ERBIN: variants seen among roughly 807,000 people sequenced by gnomAD.
ERBIN encodes erbb2 interacting protein.
ERBIN carries 60 observed loss-of-function variants against 158.4 expected under a neutral mutation model. The ratio of observed to expected loss-of-function variants is 0.38; its 90% CI spans 0.31 to 0.47. ERBIN has a LOEUF of 0.47. Among genes scored for constraint, ERBIN ranks in the 20% least tolerant of loss-of-function variants. The probability of loss-of-function intolerance (pLI) is 0.99; values close to 1 mark genes in which losing one functional copy is unlikely to be tolerated. For synonymous variants in ERBIN, 594 were observed against 557.2 expected (o/e 1.07, Z -0.93); for missense variants, 1,610 against 1,648.0 (o/e 0.98, Z 0.40).
At chr5:66,075,794 T>C (rs1761928585) in intron 23 of ERBIN, among the ~76,000 whole-genome samples, 1 of 152,146 alleles carries the variant, frequency 6.6e-6, no homozygotes, top group Non-Finnish European at 1.5e-5. Flanking sequence ...TTTTTTAGCT[T>C]GGTTATAAAA....
Position 66,076,543 on chromosome 5 carries a change from T to C in ERBIN, c.4056+135T>C, listed in dbSNP as rs1320938825. The C allele has an allele frequency of 9.6e-6, 7 of 725,492 alleles. No individual in the cohort carries two copies. In the East Asian group the frequency reaches 1.9e-4, roughly 20 times the overall value. The allele number at this position is 725,492 out of a possible 1,614,324, so 44.9% of individuals were successfully genotyped here. On this transcript the variant is annotated intron_variant, in intron 24 of 25. Coordinates refer to ENST00000284037, the MANE Select transcript of ERBIN (RefSeq NM_001253697.2). The stretch of plus-strand genomic sequence containing the variant: ...TCACCTGGATTCCCCACTCTATTGC[T>C]TACCTTTTTGTTTTGTAATTTGATC...
intron 7 of ERBIN, among the ~76,000 whole-genome samples, chr5:66,016,699 C>T (rs1324019200): frequency 6.6e-6 from 1 of 151,682 alleles, no homozygotes; most frequent in Non-Finnish European, 1.5e-5. Context: ...CTGCACCCTC[C>T]GCCCCCCAAG....
intron 15 of ERBIN, among the ~76,000 whole-genome samples, chr5:66,041,294 CTA>C (rs1169084226): frequency 6.6e-6 from 1 of 151,960 alleles, no homozygotes; most frequent in Non-Finnish European, 1.5e-5. Flanking sequence ...CTGGGTATGA[CTA>C]TGGTTGTGAA....
chr5:65,985,095 T>G (rs1751075626), intron 1 of ERBIN, among the ~76,000 whole-genome samples: 1 of 151,902 alleles, frequency 6.6e-6, no homozygotes, highest in African/African-American at 2.4e-5. Flanking sequence ...CACATGACAT[T>G]TTTTTGTTGT....
At chr5:66,065,279 T>C (rs1391712512) in intron 21 of ERBIN, among the ~76,000 whole-genome samples, 3 of 152,196 alleles carry the variant, frequency 2.0e-5, no homozygotes, top group Non-Finnish European at 2.9e-5. Flanking sequence ...TACATTGTTT[T>C]AAGTAATGTT....
intron 2 of ERBIN, among the ~76,000 whole-genome samples, chr5:65,990,169 AT>A (rs1256681561): frequency 6.6e-6 from 1 of 152,172 alleles, no homozygotes. Flanking sequence ...TGTAGTGAAG[AT>A]TTACTGATAT....
chr5:66,012,487 C>T (rs902548011), intron 5 of ERBIN, among the ~76,000 whole-genome samples: 9 of 151,340 alleles, frequency 5.9e-5, no homozygotes, highest in Non-Finnish European at 8.8e-5. Flanking sequence ...ACAATGAAAC[C>T]AAAAGTTTCT....
chr5:65,947,260 GC>G (rs994329865), intron 1 of ERBIN, among the ~76,000 whole-genome samples: 2 of 151,986 alleles, frequency 1.3e-5, no homozygotes, highest in African/African-American at 4.8e-5. Flanking sequence ...TTGAGATGGA[GC>G]CTCTGTCATC....
chr5:66,074,538 A>C (rs1210148799), intron 22 of ERBIN, among the ~76,000 whole-genome samples: 1 of 152,210 alleles, frequency 6.6e-6, no homozygotes, highest in Non-Finnish European at 1.5e-5. Context: ...TAAATTTGGA[A>C]AGAATTTTAC....
chr5:66,004,039 G>A (rs1753290532), intron 4 of ERBIN, among the ~76,000 whole-genome samples: 1 of 150,308 alleles, frequency 6.7e-6, no homozygotes, highest in Non-Finnish European at 1.5e-5. Context: ...TTGGACTCAA[G>A]GGAGGCTTCC....
At chr5:65,931,765 G>A (rs1743418038) in intron 1 of ERBIN, among the ~76,000 whole-genome samples, 1 of 151,114 alleles carries the variant, frequency 6.6e-6, no homozygotes, top group Non-Finnish European at 1.5e-5. Context: ...AGAAAATCCA[G>A]CCTTATACAG....
At position 66,075,096 on chromosome 5, in the gene ERBIN, C is replaced by A. The variant is rs757254515; in HGVS notation, c.3829C>A (p.Pro1277Thr). The A allele has an allele frequency of 1.2e-6, 2 of 1,614,056 alleles. No individual in the cohort carries two copies. The highest frequency in any genetic ancestry group is 8.5e-7 in the Non-Finnish European group (1 of 1,180,036). ...QANYSQIHHP[P>T]QASVARHPSR... ...AAATTATAGTCAAATACATCACCCC[C>A]CTCAGGCATCTGTGGCAAGGCATCC... Residue 1277 changes from proline to threonine, a missense_variant, in exon 23 of 26, where the codon CCT becomes ACT. Coordinates refer to ENST00000284037, the MANE Select transcript of ERBIN (RefSeq NM_001253697.2).
Position 66,046,425 on chromosome 5 carries a change from CAGA to C in ERBIN, c.1679_1681del (p.Lys560del). The C allele has an allele frequency of 6.2e-7, 1 of 1,611,804 alleles. No individual in the cohort carries two copies. The highest frequency in any genetic ancestry group is 8.5e-7 in the Non-Finnish European group (1 of 1,178,462). On this transcript the variant is annotated inframe_deletion, in exon 18 of 26. Coordinates refer to ENST00000284037, the MANE Select transcript of ERBIN (RefSeq NM_001253697.2). ...AAAATATATGATAGGAAACTCTGTA[CAGA>C]AGATCAGTGAACCTGAAGCTGAGAT...
rs567811753 is a variant in ERBIN, at chr5:65,926,798, C to T, written c.-66C>T. ...AAAAAGCTGCCCTGAGACGGTGTCC[C>T]GCCGAAAGGTAATTTTCACGAAAAG... On this transcript the variant is annotated 5_prime_UTR_variant, in exon 1 of 26. Coordinates refer to ENST00000284037, the MANE Select transcript of ERBIN (RefSeq NM_001253697.2). The T allele has an allele frequency of 6.6e-6, 1 of 151,962 alleles. No homozygotes were observed. The highest frequency in any genetic ancestry group is 2.4e-5 in the African/African-American group (1 of 41,386). The allele number at this position is 151,962 out of a possible 1,614,324, so 9.4% of individuals were successfully genotyped here. A position where few individuals can be genotyped will look rare whatever the true frequency, so the allele number is the denominator to read the frequency against.
At chr5:65,964,961 TTTTTTTTTA>T (rs1219464935) in intron 1 of ERBIN, among the ~76,000 whole-genome samples, 3 of 134,024 alleles carry the variant, frequency 2.2e-5, no homozygotes, top group African/African-American at 1.0e-4. Context: ...TTTTTTTTTT[TTTTTTTTTA>T]AGTAGAGATG....
intron 1 of ERBIN, among the ~76,000 whole-genome samples, chr5:65,975,316 T>A (rs552610153): frequency 6.6e-6 from 1 of 152,236 alleles, no homozygotes; most frequent in East Asian, 1.9e-4. Context: ...CCATATTTTT[T>A]AATTTTTGCA....
intron 4 of ERBIN, among the ~76,000 whole-genome samples, chr5:66,003,997 G>T (rs368646543): frequency 2.3e-4 from 34 of 147,222 alleles, no homozygotes; most frequent in African/African-American, 8.4e-4. Context: ...GGAGTACAGT[G>T]GCATGATCAT....
intron 1 of ERBIN, among the ~76,000 whole-genome samples, chr5:65,937,241 T>G (rs377090578): frequency 2.4e-4 from 37 of 152,314 alleles, no homozygotes; most frequent in African/African-American, 8.7e-4. Flanking sequence ...TCTTTATGCC[T>G]TTTGGTTTTA....
chr5:65,929,786 G>T (rs546053551), intron 1 of ERBIN, among the ~76,000 whole-genome samples: 125 of 151,922 alleles, frequency 8.2e-4, no homozygotes, highest in African/African-American at 2.9e-3. Context: ...GATTACAAGC[G>T]CACATCATCA....
Sources: allele counts gnomAD v4.1 joint callset (sites outside exome capture counted in the v4.1 genomes callset), GRCh38; gene constraint gnomAD v4.1.1; transcripts MANE v1.5; gene names NCBI Gene and HGNC (gene_info 2026-07-23, HGNC 2026-07-21).